The following OSBP2 variants were observed in gnomAD, a reference collection of about 807,000 sequenced individuals.
OSBP2 encodes the protein oxysterol binding protein 2.
A neutral mutation model predicts 96.0 loss-of-function variants in OSBP2; 66 were observed. The ratio of observed to expected loss-of-function variants is 0.69; its 90% CI spans 0.56 to 0.84. The LOEUF (loss-of-function observed/expected upper bound fraction) is 0.84, where lower values mean the gene tolerates loss of function less well. Among genes scored for constraint, OSBP2 ranks in the 40% least tolerant of loss-of-function variants. OSBP2 has a pLI of 0.00. For missense variants in OSBP2, 1,038 were observed against 1,222.7 expected (o/e 0.85, Z 2.25); for synonymous variants, 525 against 520.9 (o/e 1.01, Z -0.11).
chr22:30,759,177 G>A (rs749086021), intron 2 of OSBP2, among the ~76,000 whole-genome samples: 4 of 152,008 alleles, frequency 2.6e-5, no homozygotes, highest in Non-Finnish European at 4.4e-5. Flanking sequence ...GTGAAACCCC[G>A]TCTCTACTAA....
chr22:30,694,005 A>T (rs956244533), upstream of OSBP2: 9 of 1,435,844 alleles, frequency 6.3e-6, no homozygotes, highest in Non-Finnish European at 8.4e-6. Flanking sequence ...AAATTCGCTG[A>T]TGTTTTAACC....
chr22:30,865,301 G>T (rs1338265765), intron 2 of OSBP2, among the ~76,000 whole-genome samples: 1 of 152,096 alleles, frequency 6.6e-6, no homozygotes, highest in Non-Finnish European at 1.5e-5. Context: ...GCCTCCCCTG[G>T]TTCCGAGCCT....
rs771174490 is a variant in OSBP2, at chr22:30,906,275, A to C, written c.2687A>C (p.Tyr896Ser). Residue 896 changes from tyrosine to serine, a missense_variant, in exon 14 of 14, where the codon TAC (tyrosine) becomes TCC (serine). Tyr to Ser is a moderately radical substitution (Grantham distance 144, BLOSUM62 -2). This residue lies in a region of OSBP2 where 737 missense variants were observed against 913.3 expected (regional missense o/e 0.81). Coordinates refer to ENST00000332585, the MANE Select transcript of OSBP2 (RefSeq NM_030758.4). ...CTGACCGGGGAGATGGCCTGTGTGT[A>C]CAAGGGCGGCTACTGGGAGGCCAAG... is the stretch of plus-strand genomic sequence containing the variant. The part of the protein sequence containing the change: ...DPLTGEMACV[Y>S]KGGYWEAKEK... The C allele has an allele frequency of 6.2e-7, 1 of 1,614,134 alleles. No homozygotes were observed. Among genetic ancestry groups the C allele is most frequent in the Non-Finnish European group, 8.5e-7 (1 of 1,179,986 alleles).
At position 30,694,984 on chromosome 22, in the gene OSBP2, G is replaced by C. The variant is rs182152986; in HGVS notation, c.75G>C (p.Thr25=). The change falls in exon 1 of 14, where the codon ACG becomes ACC. Residue 25 remains threonine, a synonymous_variant. Transcript: ENST00000332585. The part of the protein sequence containing the change: ...GRSRGLSSLF[T]VVPCLSCHTA... ...CCCGCGGGCTCTCGTCGCTGTTCAC[G>C]GTTGTCCCCTGCCTGTCGTGCCACA... The C allele has an allele frequency of 2.9e-3, 4,451 of 1,550,992 alleles. 98 individuals are homozygous for C. The African/African-American group carries it at 0.049, about 17-fold the overall frequency.
At position 30,774,176 on chromosome 22, in the gene OSBP2, G is replaced by A. The variant is rs555895515; in HGVS notation, c.853+32807G>A. Among the ~76,000 whole-genome samples the A allele has an allele frequency of 1.4e-4, 21 of 152,344 alleles. No individual in the cohort carries two copies. In the South Asian group the frequency reaches 3.5e-3, roughly 26 times the overall value. ...TGGGCCCTTCCTTGGCTACGTAGCT[G>A]TGGTACCTGGGCAAGCCCACCAACT... On this transcript the variant is annotated intron_variant, in intron 2 of 13. Coordinates refer to ENST00000332585, the MANE Select transcript of OSBP2 (RefSeq NM_030758.4).
chr22:30,757,865 G>C (rs2090160537), intron 2 of OSBP2, among the ~76,000 whole-genome samples: 1 of 152,134 alleles, frequency 6.6e-6, no homozygotes, highest in Non-Finnish European at 1.5e-5. Context: ...AAGTGAACCT[G>C]GGTGTCACCT....
intron 1 of OSBP2, among the ~76,000 whole-genome samples, chr22:30,724,909 C>T (rs1168851424): frequency 6.6e-6 from 1 of 152,120 alleles, no homozygotes; most frequent in Non-Finnish European, 1.5e-5. Flanking sequence ...CGCAGTGGCT[C>T]ACGCCTGTAA....
chr22:30,714,017 A>G (rs886501298), intron 1 of OSBP2, among the ~76,000 whole-genome samples: 2 of 152,126 alleles, frequency 1.3e-5, no homozygotes, highest in African/African-American at 4.8e-5. Flanking sequence ...CCTCCTGTCT[A>G]GCTGTAGTTC....
intron 2 of OSBP2, among the ~76,000 whole-genome samples, chr22:30,782,813 T>C (rs1439398632): frequency 6.6e-6 from 1 of 152,158 alleles, no homozygotes; most frequent in Non-Finnish European, 1.5e-5. Flanking sequence ...GGTACATATA[T>C]GTTTAACTTT....
chr22:30,723,731 A>G (rs1459942691), intron 1 of OSBP2, among the ~76,000 whole-genome samples: 1 of 152,034 alleles, frequency 6.6e-6, no homozygotes, highest in Non-Finnish European at 1.5e-5. Flanking sequence ...TATTTAAAAA[A>G]ACCTTACCTA....
intron 1 of OSBP2, among the ~76,000 whole-genome samples, chr22:30,739,506 G>T (rs945750364): frequency 6.6e-6 from 1 of 151,124 alleles, no homozygotes; most frequent in South Asian, 2.1e-4. Flanking sequence ...ACAGAGTCTC[G>T]CTCTGTCACC....
chr22:30,885,378 C>T (rs1467325910), intron 3 of OSBP2, among the ~76,000 whole-genome samples: 1 of 152,196 alleles, frequency 6.6e-6, no homozygotes, highest in Non-Finnish European at 1.5e-5. Flanking sequence ...CCTCCAGGGA[C>T]AGCTGAAGCC....
chr22:30,865,091 C>T (rs2039305169), intron 2 of OSBP2, among the ~76,000 whole-genome samples: 1 of 152,184 alleles, frequency 6.6e-6, no homozygotes, highest in South Asian at 2.1e-4. Flanking sequence ...AAAAGCTCCA[C>T]TTCTAAAAAT....
At chr22:30,882,503 C>G (rs2039723186) in intron 3 of OSBP2, among the ~76,000 whole-genome samples, 1 of 96,398 alleles carries the variant, frequency 1.0e-5, no homozygotes, top group Non-Finnish European at 2.2e-5. Context: ...GTCATGCACA[C>G]TATAAAAAAA....
chr22:30,823,391 TG>T (rs1470465007), intron 2 of OSBP2, among the ~76,000 whole-genome samples: 1 of 152,260 alleles, frequency 6.6e-6, no homozygotes, highest in East Asian at 1.9e-4. Flanking sequence ...TGAAATTTGC[TG>T]TATTTACCTT....
At chr22:30,843,444 T>TTCC (rs1555919385) in intron 2 of OSBP2, among the ~76,000 whole-genome samples, 1 of 120,550 alleles carries the variant, frequency 8.3e-6, no homozygotes, top group African/African-American at 4.0e-5. Flanking sequence ...CAGGAATCTT[T>TTCC]CCCCCCTCCC....
chr22:30,716,738 C>G (rs1232723616), intron 1 of OSBP2, among the ~76,000 whole-genome samples: 1 of 152,048 alleles, frequency 6.6e-6, no homozygotes, highest in Non-Finnish European at 1.5e-5. Context: ...ATGCCTAGCC[C>G]CTTTGCTCAT....
At chr22:30,802,674 A>T (rs1407979747) in intron 2 of OSBP2, among the ~76,000 whole-genome samples, 5 of 152,252 alleles carry the variant, frequency 3.3e-5, no homozygotes, top group Non-Finnish European at 7.3e-5. Context: ...AAGAAGGCTA[A>T]TCCCAGCCTG....
At chr22:30,832,173 C>G (rs978747227) in intron 2 of OSBP2, among the ~76,000 whole-genome samples, 9 of 152,136 alleles carry the variant, frequency 5.9e-5, no homozygotes, top group South Asian at 2.1e-4. Flanking sequence ...GCCCTTGCCC[C>G]CTTCTTACCA....
Sources: gnomAD v4.1 joint callset for allele counts (sites outside exome capture counted in the v4.1 genomes callset) on GRCh38, gnomAD v4.1.1 for gene constraint, gnomAD v4.1.1 regional missense constraint, MANE v1.5 for transcripts, NCBI Gene and HGNC (gene_info 2026-07-23, HGNC 2026-07-21) for gene names.